Variants in ST6GALNAC5 observed in about 807,000 individuals in gnomAD.
ST6GALNAC5 encodes ST6 N-acetylgalactosaminide alpha-2,6-sialyltransferase 5.
In ST6GALNAC5, 27 loss-of-function variants were observed where a neutral mutation model predicts 33.6. The ratio of observed to expected loss-of-function variants is 0.80; its 90% CI spans 0.59 to 1.11. ST6GALNAC5 has a LOEUF of 1.11. Ranked by LOEUF, ST6GALNAC5 falls within the 50% of genes least tolerant of loss-of-function variation. ST6GALNAC5 has a pLI of 0.00. For missense variants in ST6GALNAC5, 428 were observed against 454.0 expected, an observed-to-expected ratio of 0.94 and a Z score of 0.52; for synonymous variants, 194 against 171.2, an observed-to-expected ratio of 1.13 and a Z score of -1.04.
At chr1:76,939,532 C>T (rs1236885120) in intron 2 of ST6GALNAC5, among the ~76,000 whole-genome samples, 2 of 151,992 alleles carry the variant, frequency 1.3e-5, no homozygotes, top group Non-Finnish European at 2.9e-5. Context: ...AAGGAGGGGG[C>T]CCATGGTCCA....
At chr1:76,901,555 C>T (rs1200440867) in intron 2 of ST6GALNAC5, among the ~76,000 whole-genome samples, 1 of 152,134 alleles carries the variant, frequency 6.6e-6, no homozygotes, top group East Asian at 1.9e-4. Context: ...AATTATGGTA[C>T]ATTCAAAAAC....
chr1:76,902,490 T>C (rs1013981958), intron 2 of ST6GALNAC5, among the ~76,000 whole-genome samples: 3 of 152,126 alleles, frequency 2.0e-5, no homozygotes, highest in African/African-American at 7.2e-5. Context: ...CAACTGGGAT[T>C]CTCTAGGCCA....
chr1:77,026,990 T>G (rs1407605113), intron 2 of ST6GALNAC5, among the ~76,000 whole-genome samples: 1 of 152,170 alleles, frequency 6.6e-6, no homozygotes, highest in Non-Finnish European at 1.5e-5. Flanking sequence ...TTCCCCAGTG[T>G]AGGTGCTCCC....
chr1:76,965,406 C>G (rs974120142), intron 2 of ST6GALNAC5, among the ~76,000 whole-genome samples: 1 of 152,158 alleles, frequency 6.6e-6, no homozygotes, highest in Non-Finnish European at 1.5e-5. Context: ...GCATAAATGT[C>G]TTCTTTTGAG....
At chr1:76,953,508 A>G (rs370128150) in intron 2 of ST6GALNAC5, among the ~76,000 whole-genome samples, 7 of 152,100 alleles carry the variant, frequency 4.6e-5, no homozygotes, top group African/African-American at 1.2e-4. Context: ...TCTTTTACCC[A>G]TTTTCTAATT....
intron 2 of ST6GALNAC5, among the ~76,000 whole-genome samples, chr1:76,970,071 G>A (rs858596): frequency 0.52 from 78,422 of 151,512 alleles, 20,794 homozygotes; most frequent in African/African-American, 0.64. Flanking sequence ...AAGACCAAAG[G>A]TAGAGAAAAC....
intron 2 of ST6GALNAC5, among the ~76,000 whole-genome samples, chr1:76,930,886 G>C (rs868568721): frequency 1.1e-4 from 17 of 152,144 alleles, no homozygotes; most frequent in African/African-American, 2.9e-4. Context: ...TTGTGGCAGA[G>C]ACACTCTTAA....
At chr1:77,018,727 C>T (rs773772607) in intron 2 of ST6GALNAC5, among the ~76,000 whole-genome samples, 2 of 152,208 alleles carry the variant, frequency 1.3e-5, no homozygotes, top group Non-Finnish European at 2.9e-5. Context: ...AATGAAGTAA[C>T]TGCCACAAGT....
intron 2 of ST6GALNAC5, among the ~76,000 whole-genome samples, chr1:77,013,494 G>A (rs774949604): frequency 7.9e-5 from 12 of 152,178 alleles, no homozygotes; most frequent in Non-Finnish European, 1.3e-4. Flanking sequence ...AACTGTTGCT[G>A]TCTGTCTTAA....
At chr1:76,993,782 C>T (rs1649823339) in intron 2 of ST6GALNAC5, among the ~76,000 whole-genome samples, 2 of 152,106 alleles carry the variant, frequency 1.3e-5, no homozygotes, top group Non-Finnish European at 2.9e-5. Flanking sequence ...ATTTATCCAA[C>T]TCTCTCCTCT....
chr1:76,981,832 T>C (rs1223022229), intron 2 of ST6GALNAC5, among the ~76,000 whole-genome samples: 1 of 152,206 alleles, frequency 6.6e-6, no homozygotes, highest in Non-Finnish European at 1.5e-5. Flanking sequence ...CAATATTTGC[T>C]ATTCTGCAGC....
rs1433141898 is a variant in ST6GALNAC5 at position 76,973,109 on chromosome 1, T to C, written c.262-71095T>C. Among the ~76,000 whole-genome samples the C allele has an allele frequency of 3.3e-5, 5 of 152,232 alleles. No homozygotes were observed. In the East Asian group the frequency reaches 5.8e-4, roughly 18 times the overall value. ...TTTTGATGGGTAGGGTTTTTCTGCT[T>C]TGTGTTATTTGCTTGCTTCTGGTTT... is the stretch of plus-strand genomic sequence containing the variant. On this transcript the variant is annotated intron_variant, in intron 2 of 4. Transcript: ENST00000477717.
chr1:76,902,925 T>C (rs891904638), intron 2 of ST6GALNAC5, among the ~76,000 whole-genome samples: 1 of 152,088 alleles, frequency 6.6e-6, no homozygotes, highest in African/African-American at 2.4e-5. Context: ...TATGTACATA[T>C]AAATCTATTA....
At chr1:77,021,236 C>T (rs1651043217) in intron 2 of ST6GALNAC5, among the ~76,000 whole-genome samples, 1 of 152,034 alleles carries the variant, frequency 6.6e-6, no homozygotes, top group Non-Finnish European at 1.5e-5. Context: ...TTCTTCCATC[C>T]CCTGCTTGTA....
intron 2 of ST6GALNAC5, among the ~76,000 whole-genome samples, chr1:77,013,560 A>C (rs567775743): frequency 2.0e-4 from 31 of 152,246 alleles, no homozygotes; most frequent in African/African-American, 7.5e-4. Context: ...GTTTTCTCCT[A>C]GTCTCATATT....
chr1:76,937,441 T>C (rs1405511112), intron 2 of ST6GALNAC5, among the ~76,000 whole-genome samples: 1 of 152,064 alleles, frequency 6.6e-6, no homozygotes, highest in Non-Finnish European at 1.5e-5. Context: ...GCATGTTAAC[T>C]TCATGATGAA....
At chr1:76,969,776 TG>T (rs1648664142) in intron 2 of ST6GALNAC5, among the ~76,000 whole-genome samples, 1 of 152,064 alleles carries the variant, frequency 6.6e-6, no homozygotes, top group African/African-American at 2.4e-5. Context: ...CTCCCAGTAG[TG>T]GCCGACTGAC....
chr1:77,027,793 A>T (rs1651303517), intron 2 of ST6GALNAC5, among the ~76,000 whole-genome samples: 1 of 152,198 alleles, frequency 6.6e-6, no homozygotes, highest in South Asian at 2.1e-4. Context: ...GTCCAAGTGG[A>T]AAATCTCATT....
At chr1:76,973,373 T>G in intron 2 of ST6GALNAC5, among the ~76,000 whole-genome samples, 1 of 151,934 alleles carries the variant, frequency 6.6e-6, no homozygotes, top group Non-Finnish European at 1.5e-5. Flanking sequence ...AGTATGAAGA[T>G]TGTCTACTGG....
Sources: gnomAD v4.1 joint callset for allele counts (sites outside exome capture counted in the v4.1 genomes callset) on GRCh38, gnomAD v4.1.1 for gene constraint, MANE v1.5 for transcripts, NCBI Gene and HGNC (gene_info 2026-07-23, HGNC 2026-07-21) for gene names.